Variants in TBC1D5 observed in about 807,000 individuals in gnomAD.
TBC1D5 encodes TBC1 domain family member 5.
In TBC1D5, 75 loss-of-function variants were observed where a neutral mutation model predicts 100.3. The ratio of observed to expected loss-of-function variants is 0.75; its 90% CI spans 0.62 to 0.91. The LOEUF (loss-of-function observed/expected upper bound fraction) is 0.91, where lower values mean the gene tolerates loss of function less well. Ranked by LOEUF, TBC1D5 falls within the 40% of genes least tolerant of loss-of-function variation. TBC1D5 has a pLI of 0.00. For missense variants in TBC1D5, 910 were observed against 942.4 expected (o/e 0.97, Z 0.45); for synonymous variants, 323 against 325.6 (o/e 0.99, Z 0.09).
At chr3:17,337,534 T>C (rs1306644492) in intron 13 of TBC1D5, 1 of 152,166 alleles carries the variant, frequency 6.6e-6, no homozygotes, top group Non-Finnish European at 1.5e-5. Context: ...AGCGGAAATA[T>C]GGCGAAAATC....
intron 17 of TBC1D5, among the ~76,000 whole-genome samples, chr3:17,223,849 C>T (rs759334256): frequency 1.3e-5 from 2 of 151,888 alleles, no homozygotes; most frequent in East Asian, 1.9e-4. Flanking sequence ...GAGCTGAGAT[C>T]GCACCACTGC....
intron 18 of TBC1D5, among the ~76,000 whole-genome samples, chr3:17,209,831 T>C (rs536541830): frequency 6.6e-6 from 1 of 152,366 alleles, no homozygotes; most frequent in South Asian, 2.1e-4. Flanking sequence ...GTAGTCATTC[T>C]TTCAATTTTA....
At chr3:17,323,223 C>T (rs964864604) in intron 13 of TBC1D5, among the ~76,000 whole-genome samples, 1 of 152,128 alleles carries the variant, frequency 6.6e-6, no homozygotes, top group Admixed American at 6.5e-5. Context: ...GCCAGTTTAT[C>T]ACAAACTCTT....
At chr3:17,629,014 T>C (rs2063290511) in intron 1 of TBC1D5, among the ~76,000 whole-genome samples, 1 of 152,240 alleles carries the variant, frequency 6.6e-6, no homozygotes, top group South Asian at 2.1e-4. Context: ...TATGTAGCAT[T>C]AGTTTTATCT....
At chr3:17,403,328 G>A in intron 7 of TBC1D5, 80 bp from the exon 8 acceptor site, 2 of 959,210 alleles carry the variant, frequency 2.1e-6, no homozygotes, top group Non-Finnish European at 2.9e-6. Context: ...TAATGTAAAT[G>A]GTTAAAATTT....
rs2148980826 is a variant in TBC1D5 at position 17,235,802 on chromosome 3, T to C, written c.1588+2361A>G. On this transcript the variant is annotated intron_variant, in intron 17 of 21. Coordinates refer to ENST00000253692, the Ensembl canonical transcript of TBC1D5. ...AACTACACTATCTTCTATCGTCTAC[T>C]TCCACAAACCGTTCTCTTTGCCTTT... is the stretch of plus-strand genomic sequence containing the variant. 1.3e-5 allele frequency among the ~76,000 whole-genome samples: 2 copies of C among 152,300 alleles called. 1 individual carries two copies. Among genetic ancestry groups the C allele is most frequent in the East Asian group, 3.9e-4 (2 of 5,192 alleles).
chr3:17,618,874 C>T (rs760824110), intron 2 of TBC1D5, among the ~76,000 whole-genome samples: 11 of 152,170 alleles, frequency 7.2e-5, no homozygotes, highest in Admixed American at 6.5e-5. Context: ...GGTGATGCCC[C>T]GCCTTGCTTC....
chr3:17,455,833 G>C (rs2149812679), intron 3 of TBC1D5, among the ~76,000 whole-genome samples: 1 of 152,150 alleles, frequency 6.6e-6, no homozygotes, highest in East Asian at 1.9e-4. Flanking sequence ...ATGAGACCCT[G>C]TCTCAAAAAC....
intron 2 of TBC1D5, among the ~76,000 whole-genome samples, chr3:17,551,807 T>C (rs1275889741): frequency 1.3e-5 from 2 of 151,982 alleles, no homozygotes; most frequent in Non-Finnish European, 2.9e-5. Flanking sequence ...TTTGAAGGAG[T>C]TTAAATACTG....
rs369678694 is a variant in TBC1D5 at position 17,702,644 on chromosome 3, C to T, written c.-101+36699G>A. Among the ~76,000 whole-genome samples, 15 of 151,982 alleles carry T rather than the reference C, an allele frequency of 9.9e-5. No homozygotes were observed. In the East Asian group the frequency reaches 1.9e-3, roughly 20 times the overall value. On this transcript the variant is annotated intron_variant, in intron 1 of 21. Coordinates refer to ENST00000253692, the Ensembl canonical transcript of TBC1D5. ...TCATTAGGCATACATAGTAGATAAA[C>T]TAAACGAAATGATGCATTAACTTAT... is the stretch of plus-strand genomic sequence containing the variant.
At chr3:17,703,746 A>G (rs1328496059) in intron 1 of TBC1D5, among the ~76,000 whole-genome samples, 1 of 152,184 alleles carries the variant, frequency 6.6e-6, no homozygotes, top group South Asian at 2.1e-4. Flanking sequence ...GACCTCATAC[A>G]TATGAGAGTC....
intron 1 of TBC1D5, among the ~76,000 whole-genome samples, chr3:17,637,894 G>A (rs1298802496): frequency 2.6e-5 from 4 of 152,034 alleles, no homozygotes; most frequent in African/African-American, 4.8e-5. Flanking sequence ...AAAGACAAGT[G>A]CACAAAAATA....
At chr3:17,547,056 G>A (rs1034603241) in intron 2 of TBC1D5, 5 of 152,226 alleles carry the variant, frequency 3.3e-5, no homozygotes, top group Middle Eastern at 3.4e-3. Context: ...AGATCTAGGT[G>A]TAATCAACAG....
intron 2 of TBC1D5, among the ~76,000 whole-genome samples, chr3:17,567,265 TCA>T (rs1008306534): frequency 6.6e-6 from 1 of 151,784 alleles, no homozygotes; most frequent in African/African-American, 2.4e-5. Flanking sequence ...GTGAAATGTT[TCA>T]CAGTCCTTAT....
chr3:17,494,913 G>A (rs2095686633), intron 3 of TBC1D5, among the ~76,000 whole-genome samples: 1 of 152,200 alleles, frequency 6.6e-6, no homozygotes, highest in Non-Finnish European at 1.5e-5. Flanking sequence ...GGGCTCATGA[G>A]GGGATACCCT....
At chr3:17,208,117 T>C (rs1318667406) in intron 18 of TBC1D5, among the ~76,000 whole-genome samples, 1 of 152,246 alleles carries the variant, frequency 6.6e-6, no homozygotes, top group Non-Finnish European at 1.5e-5. Context: ...TGGATCCATG[T>C]ATGGTAGGTA....
chr3:17,721,597 G>A lies in TBC1D5; in HGVS notation c.-101+17746C>T, dbSNP rs566008286. Among the ~76,000 whole-genome samples, 6 of 152,210 alleles carry A rather than the reference G, an allele frequency of 3.9e-5. No homozygotes were observed. The South Asian group carries it at 1.2e-3, about 32-fold the overall frequency. On this transcript the variant is annotated intron_variant, in intron 1 of 21. Transcript: ENST00000253692. ...ATGAAAAATGTGAAGCTATGAGCCTGGCTGGTGGAAGTTGCAGTGAACCGA... is the reference window on the plus strand; with the variant it reads ...ATGAAAAATGTGAAGCTATGAGCCTAGCTGGTGGAAGTTGCAGTGAACCGA...
intron 3 of TBC1D5, among the ~76,000 whole-genome samples, chr3:17,458,962 T>G (rs1020442559): frequency 1.3e-5 from 2 of 152,316 alleles, no homozygotes; most frequent in Non-Finnish European, 2.9e-5. Flanking sequence ...CGCGTAGCCA[T>G]ACAAAACCCC....
chr3:17,612,637 A>C (rs1036126954), intron 2 of TBC1D5, among the ~76,000 whole-genome samples: 7 of 152,146 alleles, frequency 4.6e-5, no homozygotes, highest in African/African-American at 1.4e-4. Flanking sequence ...TCTCAAAAAA[A>C]ATAAAAAATA....
Sources: gnomAD v4.1 joint callset for allele counts (sites outside exome capture counted in the v4.1 genomes callset) on GRCh38, gnomAD v4.1.1 for gene constraint, MANE v1.5 for transcripts, NCBI Gene and HGNC (gene_info 2026-07-23, HGNC 2026-07-21) for gene names.